Variants in SEC24A observed in about 807,000 individuals in gnomAD.
SEC24A encodes the protein protein transport protein Sec24A.
Under a neutral mutation model 129.4 loss-of-function variants are expected in SEC24A, and 93 were observed. The ratio of observed to expected loss-of-function variants is 0.72; its 90% CI spans 0.61 to 0.85. The LOEUF is 0.85. Among genes scored for constraint, SEC24A ranks in the 40% least tolerant of loss-of-function variants. SEC24A has a pLI of 0.00. For missense variants in SEC24A, 1,264 were observed against 1,307.4 expected (o/e 0.97, Z 0.51); for synonymous variants, 460 against 467.3 (o/e 0.98, Z 0.20).
intron 1 of SEC24A, 64 bp from the exon 2 acceptor site, chr5:134,661,055 C>A: frequency 8.7e-7 from 1 of 1,142,928 alleles, no homozygotes; most frequent in Non-Finnish European, 1.3e-6. Context: ...ATATGTTTTA[C>A]TTTATTTCTT....
chr5:134,648,482 C>T (rs1749930541), upstream of SEC24A: 1 of 152,524 alleles, frequency 6.6e-6, no homozygotes, highest in African/African-American at 2.4e-5. Flanking sequence ...TCCCACCCCA[C>T]GAAAGCGGCT....
intron 10 of SEC24A, among the ~76,000 whole-genome samples, chr5:134,687,153 T>C (rs1242540328): frequency 6.6e-6 from 1 of 152,206 alleles, no homozygotes; most frequent in African/African-American, 2.4e-5. Flanking sequence ...CTATTTTTGC[T>C]TAATCTCATC....
At chr5:134,706,361 A>G (rs557669367) in intron 17 of SEC24A, among the ~76,000 whole-genome samples, 27 of 152,216 alleles carry the variant, frequency 1.8e-4, no homozygotes, top group Non-Finnish European at 3.7e-4. Flanking sequence ...ACTTACTGAT[A>G]TCTTCACGTA....
At chr5:134,692,181 G>T (rs772633832) in intron 11 of SEC24A, among the ~76,000 whole-genome samples, 4 of 151,140 alleles carry the variant, frequency 2.6e-5, no homozygotes, top group Admixed American at 6.6e-5. Context: ...CACATAGCTG[G>T]GACTATAGGC....
At chr5:134,706,411 T>C (rs1387398187) in intron 17 of SEC24A, among the ~76,000 whole-genome samples, 1 of 152,226 alleles carries the variant, frequency 6.6e-6, no homozygotes, top group Non-Finnish European at 1.5e-5. Context: ...CTTGATTTTT[T>C]TGGTTCCTTT....
chr5:134,703,310 C>T (rs533695466), intron 15 of SEC24A, among the ~76,000 whole-genome samples: 1 of 151,348 alleles, frequency 6.6e-6, no homozygotes, highest in South Asian at 2.1e-4. Flanking sequence ...CTCTGTCGCC[C>T]AGGCTGGAGT....
intron 18 of SEC24A, among the ~76,000 whole-genome samples, chr5:134,709,552 A>G (rs778580916): frequency 1.3e-5 from 2 of 152,202 alleles, no homozygotes; most frequent in Non-Finnish European, 2.9e-5. Flanking sequence ...CTTATATGTG[A>G]AAGCTAAAAA....
chr5:134,679,883 G>A (rs562295110), intron 8 of SEC24A, among the ~76,000 whole-genome samples, 155 bp downstream of exon 8: 25 of 150,162 alleles, frequency 1.7e-4, no homozygotes, highest in African/African-American at 5.6e-4. Flanking sequence ...TTTTCTGTGC[G>A]TTTATATTTA....
At chr5:134,662,962 C>G (rs748753794) in intron 2 of SEC24A, among the ~76,000 whole-genome samples, 1 of 151,752 alleles carries the variant, frequency 6.6e-6, no homozygotes, top group East Asian at 1.9e-4. Flanking sequence ...TGTGCCACTG[C>G]GCTCCGGCCT....
intron 9 of SEC24A, among the ~76,000 whole-genome samples, chr5:134,684,529 A>G (rs966710433): frequency 2.0e-5 from 3 of 152,010 alleles, no homozygotes; most frequent in Non-Finnish European, 2.9e-5. Context: ...CCTTACCAAC[A>G]TGGTGAAACC....
intron 21 of SEC24A, among the ~76,000 whole-genome samples, chr5:134,721,462 T>C (rs1165920790): frequency 5.4e-5 from 8 of 149,240 alleles, no homozygotes; most frequent in Admixed American, 2.0e-4. Context: ...ACTCAGGAGA[T>C]TGAGGCAGGA....
intron 9 of SEC24A, among the ~76,000 whole-genome samples, chr5:134,683,029 C>CT (rs879810942): frequency 4.3e-4 from 63 of 146,954 alleles, no homozygotes; most frequent in Non-Finnish European, 5.4e-4. Context: ...CTCGTATTTA[C>CT]TTTTTTTTTT....
At chr5:134,682,648 C>T (rs1488375015) in intron 9 of SEC24A, among the ~76,000 whole-genome samples, 166 bp downstream of exon 9, 3 of 152,170 alleles carry the variant, frequency 2.0e-5, no homozygotes, top group Non-Finnish European at 2.9e-5. Context: ...GTTCAAGGCT[C>T]ACTGCAGCCT....
intron 19 of SEC24A, among the ~76,000 whole-genome samples, chr5:134,715,882 T>C (rs1278480742): frequency 6.6e-6 from 1 of 151,992 alleles, no homozygotes; most frequent in Non-Finnish European, 1.5e-5. Flanking sequence ...TCTGGGTGTA[T>C]TTTTAAAATA....
At chr5:134,688,903 C>G (rs540555163) in intron 11 of SEC24A, among the ~76,000 whole-genome samples, 1 of 152,254 alleles carries the variant, frequency 6.6e-6, no homozygotes, top group Non-Finnish European at 1.5e-5. Flanking sequence ...TGGTCTCAAA[C>G]TCCTGACCTC....
Position 134,680,514 on chromosome 5 carries a change from G to C in SEC24A, c.1381+786G>C, listed in dbSNP as rs149495046. On this transcript the variant is annotated intron_variant, in intron 8 of 22. Coordinates refer to ENST00000398844, the MANE Select transcript of SEC24A (RefSeq NM_021982.3). ...CGGCCGGCTAATTTTTATATTTTTA[G>C]TAGGGGTGGAGTTTCACCGTTTTGG... is the stretch of plus-strand genomic sequence containing the variant. 6.3e-3 allele frequency among the ~76,000 whole-genome samples: 957 copies of C among 151,852 alleles called. 6 individuals carry two copies. Among genetic ancestry groups the C allele is most frequent in the Non-Finnish European group, 9.7e-3 (661 of 67,944 alleles).
intron 1 of SEC24A, among the ~76,000 whole-genome samples, chr5:134,659,884 C>T (rs957050266): frequency 2.0e-5 from 3 of 151,704 alleles, no homozygotes; most frequent in Non-Finnish European, 2.9e-5. Flanking sequence ...AACTCCTGAG[C>T]TCAAGCTATC....
At chr5:134,705,718 A>C (rs1206099385) in intron 17 of SEC24A, among the ~76,000 whole-genome samples, 1 of 152,142 alleles carries the variant, frequency 6.6e-6, no homozygotes, top group Non-Finnish European at 1.5e-5. Flanking sequence ...TTGTACAGCT[A>C]TCACCACAAT....
At chr5:134,671,909 T>C (rs749970567) in intron 4 of SEC24A, 23 bp downstream of exon 4, 10 of 1,455,978 alleles carry the variant, frequency 6.9e-6, no homozygotes, top group Non-Finnish European at 9.5e-6. Context: ...GAAAGTTTTT[T>C]TTTTAATCTC....
Sources: allele counts gnomAD v4.1 joint callset (sites outside exome capture counted in the v4.1 genomes callset), GRCh38; gene constraint gnomAD v4.1.1; transcripts MANE v1.5; gene names NCBI Gene and HGNC (gene_info 2026-07-23, HGNC 2026-07-21).